The following ABCE1 variants were observed in gnomAD, a reference collection of about 807,000 sequenced individuals.
ABCE1 encodes the protein ATP binding cassette subfamily E member 1.
ABCE1 carries 22 observed loss-of-function variants against 83.4 expected under a neutral mutation model. The observed-to-expected ratio is 0.26, with a 90% CI of 0.19 to 0.38. The LOEUF is 0.38. ABCE1 is among the 10% of genes least tolerant of loss of function. The probability of loss-of-function intolerance (pLI) is 1.00; values close to 1 mark genes in which losing one functional copy is unlikely to be tolerated. For missense variants in ABCE1, 330 were observed against 721.9 expected (o/e 0.46, Z 6.22); for synonymous variants, 204 against 233.7 (o/e 0.87, Z 1.16).
chr4:145,115,051 T>C (rs1749576190), intron 9 of ABCE1, among the ~76,000 whole-genome samples: 1 of 151,922 alleles, frequency 6.6e-6, no homozygotes, highest in Admixed American at 6.6e-5. Flanking sequence ...CTCAGAACAT[T>C]ATCAGTAACA....
intron 7 of ABCE1, 83 bp from the exon 8 acceptor site, chr4:145,110,885 A>C (rs764783866): frequency 1.2e-6 from 1 of 868,016 alleles, no homozygotes; most frequent in Non-Finnish European, 1.8e-6. Context: ...ATAGCATTCA[A>C]ACTTCAAATG....
rs3816497 is a variant in ABCE1 at position 145,123,306 on chromosome 4, C to G, written c.1466C>G (p.Ser489Cys). ...PADVYLIDEP[S>C]AYLDSEQRLM... is the part of the protein sequence containing the mutation. ...GATGTCTATTTAATTGATGAACCAT[C>G]TGCATATTTGGATTCTGAGCAAAGA... is the stretch of plus-strand genomic sequence containing the variant. Residue 489 changes from serine to cysteine, a missense_variant, in exon 15 of 18, where the codon TCT becomes TGT. Physicochemically the swap from Ser to Cys is moderately radical, Grantham distance 112. Coordinates refer to ENST00000296577, the MANE Select transcript of ABCE1 (RefSeq NM_002940.3). The G allele has an allele frequency of 1.2e-6, 2 of 1,612,210 alleles. No homozygotes were observed. The highest frequency in any genetic ancestry group is 1.7e-6 in the Non-Finnish European group (2 of 1,179,394).
At chr4:145,104,772 A>G (rs1156357672) in intron 2 of ABCE1, among the ~76,000 whole-genome samples, 2 of 151,882 alleles carry the variant, frequency 1.3e-5, no homozygotes, top group African/African-American at 2.4e-5. Flanking sequence ...CTCAAAGCAG[A>G]GTTCAGCTTA....
At chr4:145,119,113 A>G (rs994744838) in intron 10 of ABCE1, among the ~76,000 whole-genome samples, 1 of 151,896 alleles carries the variant, frequency 6.6e-6, no homozygotes, top group African/African-American at 2.4e-5. Flanking sequence ...TCTGTCAGCA[A>G]AGATGTATTG....
At position 145,123,828 on chromosome 4, in the gene ABCE1, C is replaced by T. The variant is rs376697056; in HGVS notation, c.1640+228C>T. ...GAAGATAAAAAGCTGTAGGCCACAG[C>T]ATAAAAAGCTGTGGGCCCCTCACCT... is the stretch of plus-strand genomic sequence containing the variant. On this transcript the variant is annotated intron_variant, in intron 16 of 17. Transcript: ENST00000296577. The T allele has an allele frequency of 8.5e-5, 27 of 317,542 alleles. No individual in the cohort carries two copies. In the East Asian group the frequency reaches 1.3e-3, roughly 15 times the overall value. 19.7% of individuals were successfully genotyped at this position (317,542 alleles called of 1,614,324 possible).
intron 9 of ABCE1, among the ~76,000 whole-genome samples, chr4:145,113,228 T>C (rs1749528100): frequency 6.6e-6 from 1 of 152,192 alleles, no homozygotes; most frequent in South Asian, 2.1e-4. Context: ...AAAGGACTGC[T>C]TTCTCACTGA....
At chr4:145,112,680 C>T in intron 9 of ABCE1, among the ~76,000 whole-genome samples, 1 of 152,228 alleles carries the variant, frequency 6.6e-6, no homozygotes, top group African/African-American at 2.4e-5. Flanking sequence ...TTGTAAGAAT[C>T]ACTAGAGTAA....
At chr4:145,109,629 C>T (rs1245773754) in intron 5 of ABCE1, among the ~76,000 whole-genome samples, 2 of 152,056 alleles carry the variant, frequency 1.3e-5, no homozygotes, top group Admixed American at 6.5e-5. Flanking sequence ...ATTTAGGAGC[C>T]ACTGTGTAAT....
chr4:145,123,627 A>T, intron 16 of ABCE1, 27 bp downstream of exon 16: 2 of 1,550,084 alleles, frequency 1.3e-6, no homozygotes, highest in South Asian at 2.4e-5. Flanking sequence ...ATATGTTCAA[A>T]GTAATTCATT....
intron 1 of ABCE1, 96 bp from the exon 2 acceptor site, chr4:145,104,290 C>T (rs996242465): frequency 4.6e-6 from 2 of 432,556 alleles, no homozygotes; most frequent in Non-Finnish European, 8.0e-6. Flanking sequence ...ATCATTTCAT[C>T]TCCATATAAT....
rs1749954048 is a variant in ABCE1, at chr4:145,128,481, C to CT, written c.*910dup. The CT allele has an allele frequency of 6.6e-6, 1 of 152,124 alleles. No individual in the cohort carries two copies. The highest frequency in any genetic ancestry group is 2.4e-5 in the African/African-American group (1 of 41,422). 9.4% of individuals were successfully genotyped at this position (152,124 alleles called of 1,614,324 possible). On this transcript the variant is annotated 3_prime_UTR_variant, in exon 18 of 18. Transcript: ENST00000296577. ...TTGGGCAGCCAAGGATTATAAACCA[C>CT]TTCCCTAAAGGCAACATTAATGCAA... is the stretch of plus-strand genomic sequence containing the variant.
intron 4 of ABCE1, 29 bp downstream of exon 4, chr4:145,108,141 T>C (rs1749358495): frequency 6.3e-7 from 1 of 1,587,422 alleles, no homozygotes; most frequent in Non-Finnish European, 8.6e-7. Context: ...ATTCCTCTTC[T>C]GTCAAGTTAA....
intron 17 of ABCE1, among the ~76,000 whole-genome samples, chr4:145,125,560 C>T (rs575647123): frequency 3.7e-4 from 56 of 152,156 alleles, no homozygotes; most frequent in Middle Eastern, 3.4e-3. Context: ...CTTTAGTGTG[C>T]GGTAGGCAGC....
chr4:145,112,896 A>G (rs371171259), intron 9 of ABCE1, among the ~76,000 whole-genome samples: 5 of 152,122 alleles, frequency 3.3e-5, no homozygotes, highest in African/African-American at 9.7e-5. Context: ...TCAAAAATCT[A>G]GTTGTTTGTT....
At chr4:145,099,661 C>T (rs1303748515) in intron 1 of ABCE1, among the ~76,000 whole-genome samples, 1 of 152,146 alleles carries the variant, frequency 6.6e-6, no homozygotes, top group Non-Finnish European at 1.5e-5. Flanking sequence ...AAATCAGAGC[C>T]GTGTACCACT....
At chr4:145,108,255 C>T (rs564267130) in intron 4 of ABCE1, 143 bp downstream of exon 4, 1 of 739,166 alleles carries the variant, frequency 1.4e-6, no homozygotes, top group South Asian at 1.6e-5. Context: ...CATGCAGAAT[C>T]ATACTGCATA....
chr4:145,116,908 A>G (rs1749623431), intron 9 of ABCE1, among the ~76,000 whole-genome samples: 1 of 151,966 alleles, frequency 6.6e-6, no homozygotes. Context: ...GTATGCGTCC[A>G]TCCCCTACTA....
chr4:145,111,803 T>C lies in ABCE1; in HGVS notation c.711-436T>C, dbSNP rs150669700. On this transcript the variant is annotated intron_variant, in intron 8 of 17. Transcript: ENST00000296577. ...TTTAGTGTCTCTCCTCCCAGACATT[T>C]ATTGCTGCTTTTTCCACATTTCTGC... Among the ~76,000 whole-genome samples the C allele has an allele frequency of 4.0e-3, 614 of 152,288 alleles. 7 individuals are homozygous for C. The highest frequency in any genetic ancestry group is 0.014 in the African/African-American group (568 of 41,556).
intron 16 of ABCE1, among the ~76,000 whole-genome samples, chr4:145,124,393 A>C (rs995204716): frequency 7.9e-5 from 12 of 152,202 alleles, no homozygotes; most frequent in African/African-American, 2.6e-4. Flanking sequence ...TATTTCTTAA[A>C]GAGCTAGGGA....
Sources: gnomAD v4.1 joint callset for allele counts (sites outside exome capture counted in the v4.1 genomes callset) on GRCh38, gnomAD v4.1.1 for gene constraint, MANE v1.5 for transcripts, NCBI Gene and HGNC (gene_info 2026-07-23, HGNC 2026-07-21) for gene names.